Variants in CLOCK observed in about 807,000 individuals in gnomAD.
The protein encoded by CLOCK is circadian locomoter output cycles protein kaput.
Under a neutral mutation model 118.4 loss-of-function variants are expected in CLOCK, and 43 were observed. That is an observed-to-expected ratio of 0.36 (90% CI 0.28 to 0.47). The LOEUF is 0.47. Among genes scored for constraint, CLOCK ranks in the 20% least tolerant of loss-of-function variants. The pLI is 1.00. For synonymous variants in CLOCK, 326 were observed against 339.2 expected (o/e 0.96, Z 0.43); for missense variants, 846 against 999.9 (o/e 0.85, Z 2.08).
chr4:55,456,126 T>C (rs1158305697), intron 12 of CLOCK, 92 bp downstream of exon 12: 3 of 1,319,770 alleles, frequency 2.3e-6, no homozygotes. Flanking sequence ...TTCAAAGTCC[T>C]AATTTAAAAA....
chr4:55,501,442 GGATCTCACTC>G (rs1728435842), intron 2 of CLOCK, among the ~76,000 whole-genome samples: 1 of 141,986 alleles, frequency 7.0e-6, no homozygotes, highest in Non-Finnish European at 1.6e-5. Context: ...TTAAGAGACA[GGATCTCACTC>G]TGTCACTCAG....
At chr4:55,442,730 A>T (rs934009616) in intron 20 of CLOCK, 96 bp from the exon 21 acceptor site, 1 of 1,094,372 alleles carries the variant, frequency 9.1e-7, no homozygotes, top group African/African-American at 1.6e-5. Context: ...TGACAATATG[A>T]CAGAGAAAGA....
chr4:55,534,643 T>C lies in CLOCK; in HGVS notation c.-290+12139A>G, dbSNP rs1013406109. On this transcript the variant is annotated intron_variant, in intron 1 of 22. Transcript: ENST00000513440. ...TGGTTTCCTCAGTTAGAACATAAGC[T>C]CCCTGAAGGCAGGGCTTTGTTCCCC... 2.6e-5 allele frequency among the ~76,000 whole-genome samples: 4 copies of C among 152,108 alleles called. No individual in the cohort carries two copies. In the East Asian group the frequency reaches 7.7e-4, roughly 29 times the overall value.
intron 7 of CLOCK, among the ~76,000 whole-genome samples, chr4:55,473,977 A>C (rs1010558223): frequency 6.6e-6 from 1 of 151,946 alleles, no homozygotes; most frequent in Non-Finnish European, 1.5e-5. Flanking sequence ...CCAATTAATA[A>C]CTCTACAATG....
chr4:55,510,595 C>G (rs1386880203), intron 1 of CLOCK, among the ~76,000 whole-genome samples: 1 of 145,164 alleles, frequency 6.9e-6, no homozygotes, highest in African/African-American at 2.6e-5. Flanking sequence ...CCACTGCACT[C>G]CAGCCTGGGC....
At chr4:55,512,084 G>C (rs1729186503) in intron 1 of CLOCK, among the ~76,000 whole-genome samples, 1 of 151,804 alleles carries the variant, frequency 6.6e-6, no homozygotes, top group Non-Finnish European at 1.5e-5. Flanking sequence ...AAAGATTTTT[G>C]TATGGATAGA....
chr4:55,456,750 T>C (rs570858504), intron 11 of CLOCK, among the ~76,000 whole-genome samples: 15 of 152,236 alleles, frequency 9.9e-5, no homozygotes, highest in African/African-American at 3.6e-4. Flanking sequence ...GTGATCTCAG[T>C]TCACTGCAGC....
chr4:55,480,992 T>C (rs778072625), intron 4 of CLOCK, among the ~76,000 whole-genome samples: 4 of 151,830 alleles, frequency 2.6e-5, no homozygotes, highest in Admixed American at 6.6e-5. Context: ...AGGATCTAAG[T>C]GACAAGAAGG....
intron 21 of CLOCK, among the ~76,000 whole-genome samples, chr4:55,441,787 T>A (rs534781462): frequency 6.6e-6 from 1 of 152,250 alleles, no homozygotes; most frequent in South Asian, 2.1e-4. Context: ...ACTCAGGTGA[T>A]CAGTGCACTA....
intron 22 of CLOCK, 68 bp from the exon 23 acceptor site, chr4:55,435,662 C>T (rs976176521): frequency 5.3e-5 from 79 of 1,490,350 alleles, no homozygotes; most frequent in African/African-American, 2.8e-5. Context: ...TAGTTACTCA[C>T]ACTCTCCCCT....
rs543667879 is a variant in CLOCK at position 55,529,574 on chromosome 4, C to T, written c.-290+17208G>A. 5.9e-5 allele frequency among the ~76,000 whole-genome samples: 9 copies of T among 152,176 alleles called. No homozygotes were observed. In the South Asian group the frequency reaches 1.2e-3, roughly 21 times the overall value. ...ATTCTCAAAGGACTACTGAAGATAC[C>T]GCATTCAATTAAACAAAAATAGGTA... On this transcript the variant is annotated intron_variant, in intron 1 of 22. Transcript: ENST00000513440.
At chr4:55,451,975 G>T (rs1418965969) in intron 15 of CLOCK, among the ~76,000 whole-genome samples, 1 of 152,134 alleles carries the variant, frequency 6.6e-6, no homozygotes, top group Non-Finnish European at 1.5e-5. Context: ...CCCCTGGAAT[G>T]CTGCCTATTT....
intron 1 of CLOCK, among the ~76,000 whole-genome samples, chr4:55,543,445 T>C (rs138193910): frequency 1.6e-3 from 246 of 152,054 alleles, no homozygotes; most frequent in African/African-American, 5.3e-3. Flanking sequence ...AAAGAACATA[T>C]TTGCAAATGC....
intron 22 of CLOCK, among the ~76,000 whole-genome samples, chr4:55,436,713 G>A (rs900854868): frequency 8.5e-5 from 13 of 152,122 alleles, no homozygotes; most frequent in Non-Finnish European, 4.4e-5. Context: ...AGGAAAAGCT[G>A]TGTAAGGCAA....
chr4:55,503,944 C>T (rs1409805250), intron 2 of CLOCK, among the ~76,000 whole-genome samples: 1 of 127,488 alleles, frequency 7.8e-6, no homozygotes, highest in Non-Finnish European at 1.6e-5. Context: ...TTCCAGATCA[C>T]TAGTTTCCAC....
chr4:55,429,455 G>C lies in CLOCK; in HGVS notation c.*5960C>G, dbSNP rs1373325045. On this transcript the variant is annotated 3_prime_UTR_variant, in exon 23 of 23. Transcript: ENST00000513440. ...CCAATATTCCAACACTGCTTTACTGGGCAGTGCTGTGTATGGAAGTTTTGT... is the reference window on the plus strand; with the variant it reads ...CCAATATTCCAACACTGCTTTACTGCGCAGTGCTGTGTATGGAAGTTTTGT... 6.6e-6 allele frequency: 1 copy of C among 152,102 alleles called. No individual in the cohort carries two copies. Among genetic ancestry groups the C allele is most frequent in the Admixed American group, 6.5e-5 (1 of 15,274 alleles). 9.4% of individuals were successfully genotyped at this position (152,102 alleles called of 1,614,324 possible).
chr4:55,499,595 G>A (rs1728301354), intron 2 of CLOCK, among the ~76,000 whole-genome samples: 1 of 152,224 alleles, frequency 6.6e-6, no homozygotes, highest in Non-Finnish European at 1.5e-5. Flanking sequence ...CGGAGCTCAG[G>A]CGCTAATGCT....
intron 17 of CLOCK, 132 bp from the exon 18 acceptor site, chr4:55,449,000 G>T: frequency 1.4e-6 from 1 of 740,542 alleles, no homozygotes. Context: ...GCTGAATACA[G>T]CTATGTCTTC....
At chr4:55,518,987 C>T (rs1729687545) in intron 1 of CLOCK, among the ~76,000 whole-genome samples, 1 of 152,168 alleles carries the variant, frequency 6.6e-6, no homozygotes, top group Non-Finnish European at 1.5e-5. Flanking sequence ...CAACACCTTT[C>T]AAAACATTCT....
Sources: allele counts gnomAD v4.1 joint callset (sites outside exome capture counted in the v4.1 genomes callset), GRCh38; gene constraint gnomAD v4.1.1; transcripts MANE v1.5; gene names NCBI Gene and HGNC (gene_info 2026-07-23, HGNC 2026-07-21).